CFAP58: variants seen among roughly 807,000 people sequenced by gnomAD.
The protein encoded by CFAP58 is cilia- and flagella-associated protein 58.
CFAP58 carries 88 observed loss-of-function variants against 119.5 expected under a neutral mutation model. The ratio of observed to expected loss-of-function variants is 0.74; its 90% CI spans 0.62 to 0.88. The LOEUF (loss-of-function observed/expected upper bound fraction) is 0.88. Ranked by LOEUF, CFAP58 falls within the 40% of genes least tolerant of loss-of-function variation. CFAP58 has a pLI of 0.00. For missense variants in CFAP58, 990 were observed against 1,021.2 expected (o/e 0.97, Z 0.42); for synonymous variants, 365 against 366.3 (o/e 1.00, Z 0.04).
At chr10:104,450,708 T>G (rs1391552837) in intron 17 of CFAP58, among the ~76,000 whole-genome samples, 38 of 142,518 alleles carry the variant, frequency 2.7e-4, no homozygotes, top group East Asian at 1.6e-3. Context: ...TTTATTTATT[T>G]ATTTTTGATT....
chr10:104,363,024 C>T (rs1418952403), intron 3 of CFAP58, among the ~76,000 whole-genome samples: 1 of 152,140 alleles, frequency 6.6e-6, no homozygotes, highest in Non-Finnish European at 1.5e-5. Flanking sequence ...ACTTTTATGC[C>T]TTCTTTAAGA....
chr10:104,451,863 G>A lies in CFAP58; in HGVS notation c.2510+1659G>A, dbSNP rs189254025. ...CATGTCTCAGCCTCCCAAATAGCTG[G>A]GATGACAAGCATGCACCAACATGCC... On this transcript the variant is annotated intron_variant, in intron 17 of 17. Transcript: ENST00000369704. 3.9e-5 allele frequency among the ~76,000 whole-genome samples: 6 copies of A among 152,180 alleles called. No individual in the cohort carries two copies. In the East Asian group the frequency reaches 1.2e-3, roughly 29 times the overall value.
At chr10:104,405,899 C>G (rs2012350134) in intron 14 of CFAP58, among the ~76,000 whole-genome samples, 1 of 152,112 alleles carries the variant, frequency 6.6e-6, no homozygotes, top group Non-Finnish European at 1.5e-5. Flanking sequence ...TTGCCTGAGC[C>G]CAGGAGTAAA....
intron 17 of CFAP58, among the ~76,000 whole-genome samples, chr10:104,452,821 T>C (rs948030320): frequency 2.0e-5 from 3 of 152,210 alleles, no homozygotes; most frequent in Non-Finnish European, 2.9e-5. Context: ...TTCTTGTCCT[T>C]ACACGCTTAT....
At position 104,376,831 on chromosome 10, in the gene CFAP58, C is replaced by A; in HGVS notation, c.1111C>A (p.Gln371Lys). The change falls in exon 8 of 18, where the codon CAA becomes AAA. Residue 371 changes from glutamine (Q) to lysine (K), a missense_variant. Physicochemically the swap from Gln to Lys is moderately conservative, Grantham distance 53. Transcript: ENST00000369704. ...TTCAGAGGTAGAGGCTTCAAAGAAA[C>A]AAGCAGAACTTGACAGAAAGGCAAT... The part of the protein sequence containing the change: ...LEREVEASKK[Q>K]AELDRKAMDE... 1.2e-6 allele frequency: 2 copies of A among 1,613,240 alleles called. No homozygotes were observed. Among genetic ancestry groups the A allele is most frequent in the Non-Finnish European group, 1.7e-6 (2 of 1,179,646 alleles).
In CFAP58 at chr10:104,454,764, A is replaced by G; in HGVS notation, c.*234A>G. On this transcript the variant is annotated 3_prime_UTR_variant, in exon 18 of 18. Coordinates refer to ENST00000369704, the MANE Select transcript of CFAP58 (RefSeq NM_001008723.2). ...TCAGTTAGGCTGACCTATTGCATGAAGCAAATCTTTTGTTGCTACCCCATT... is the reference window on the plus strand; with the variant it reads ...TCAGTTAGGCTGACCTATTGCATGAGGCAAATCTTTTGTTGCTACCCCATT... The G allele has an allele frequency of 2.1e-6, 1 of 468,288 alleles. No homozygotes were observed. The highest frequency in any genetic ancestry group is 3.8e-6 in the Non-Finnish European group (1 of 265,462). 29.0% of individuals were successfully genotyped at this position (468,288 alleles called of 1,614,324 possible).
chr10:104,433,575 G>A (rs762447482), intron 15 of CFAP58, among the ~76,000 whole-genome samples: 29 of 152,268 alleles, frequency 1.9e-4, no homozygotes, highest in Non-Finnish European at 2.4e-4. Context: ...TTTGTGTGAT[G>A]GCATATAGGG....
the CFAP58 span, among the ~76,000 whole-genome samples, chr10:104,342,194 A>G: frequency 6.6e-6 from 1 of 152,312 alleles, no homozygotes; most frequent in African/African-American, 2.4e-5. Flanking sequence ...CTCCAAAGAG[A>G]TCTCACCAAT....
chr10:104,412,587 T>C (rs149199261), intron 15 of CFAP58, among the ~76,000 whole-genome samples: 127 of 152,334 alleles, frequency 8.3e-4, no homozygotes, highest in African/African-American at 2.9e-3. Flanking sequence ...AAGTTCTCTG[T>C]ACTCACAATA....
chr10:104,365,191 G>A lies in CFAP58; in HGVS notation c.597+302G>A, dbSNP rs369131240. Among the ~76,000 whole-genome samples, 7 of 152,064 alleles carry A rather than the reference G, an allele frequency of 4.6e-5. No homozygotes were observed. In the East Asian group the frequency reaches 5.8e-4, roughly 13 times the overall value. On this transcript the variant is annotated intron_variant, in intron 4 of 17. Coordinates refer to ENST00000369704, the MANE Select transcript of CFAP58 (RefSeq NM_001008723.2). ...AAGGCCAGGGGGCCCAACATCTGGG[G>A]GTGGTGGAAGTAGTTTCTTTGGCCC...
At chr10:104,440,739 C>T (rs749074742) in intron 15 of CFAP58, among the ~76,000 whole-genome samples, 2 of 152,126 alleles carry the variant, frequency 1.3e-5, no homozygotes, top group Non-Finnish European at 2.9e-5. Context: ...GTGGCTTTAT[C>T]TATTCAATTT....
chr10:104,375,439 G>A (rs2133004479), intron 7 of CFAP58, among the ~76,000 whole-genome samples: 1 of 152,262 alleles, frequency 6.6e-6, no homozygotes, highest in South Asian at 2.1e-4. Flanking sequence ...AAGTGGCCGG[G>A]TGCAGTAGCT....
intron 15 of CFAP58, among the ~76,000 whole-genome samples, chr10:104,444,606 A>T (rs2013085260): frequency 6.6e-6 from 1 of 152,230 alleles, no homozygotes; most frequent in Admixed American, 6.5e-5. Context: ...TATTTATCTA[A>T]ATTACTAGCA....
chr10:104,376,736 G>A (rs1391824300), intron 7 of CFAP58, 75 bp from the exon 8 acceptor site: 1 of 1,164,900 alleles, frequency 8.6e-7, no homozygotes, highest in East Asian at 2.5e-5. Flanking sequence ...AGCAGTTTTT[G>A]TATCACTTCG....
At chr10:104,343,797 C>A in the CFAP58 span, among the ~76,000 whole-genome samples, 1 of 152,144 alleles carries the variant, frequency 6.6e-6, no homozygotes, top group Non-Finnish European at 1.5e-5. Flanking sequence ...GTTGCTCAGG[C>A]GGGAGTGACG....
At chr10:104,429,975 G>A (rs574928256) in intron 15 of CFAP58, among the ~76,000 whole-genome samples, 33 of 152,218 alleles carry the variant, frequency 2.2e-4, no homozygotes, top group African/African-American at 7.7e-4. Context: ...TGCACCTGCA[G>A]AGTCATTCCC....
intron 8 of CFAP58, among the ~76,000 whole-genome samples, chr10:104,378,762 A>G (rs934996290): frequency 1.1e-4 from 17 of 152,210 alleles, no homozygotes; most frequent in Admixed American, 2.6e-4. Flanking sequence ...GGGAAGGGTC[A>G]TTTGATCCAT....
At chr10:104,368,317 A>T in intron 5 of CFAP58, 106 bp from the exon 6 acceptor site, 1 of 978,648 alleles carries the variant, frequency 1.0e-6, no homozygotes, top group Non-Finnish European at 1.5e-6. Context: ...ACAAAAACTC[A>T]GGGTTGCTGT....
intron 15 of CFAP58, among the ~76,000 whole-genome samples, chr10:104,418,386 A>C (rs1166307427): frequency 6.6e-6 from 1 of 152,252 alleles, no homozygotes; most frequent in African/African-American, 2.4e-5. Flanking sequence ...ATCTCTACTA[A>C]AAATACAAAA....
Sources: allele counts gnomAD v4.1 joint callset (sites outside exome capture counted in the v4.1 genomes callset), GRCh38; gene constraint gnomAD v4.1.1; transcripts MANE v1.5; gene names NCBI Gene and HGNC (gene_info 2026-07-23, HGNC 2026-07-21).